The following ZHX2 variants were observed in gnomAD, a reference collection of about 807,000 sequenced individuals.
ZHX2 encodes the protein zinc fingers and homeoboxes protein 2.
In ZHX2, 6 loss-of-function variants were observed where a neutral mutation model predicts 21.9. The observed-to-expected ratio is 0.27, with a 90% CI of 0.15 to 0.54. The LOEUF (loss-of-function observed/expected upper bound fraction) is 0.54. Among genes scored for constraint, ZHX2 ranks in the 20% least tolerant of loss-of-function variants. The pLI is 0.95. For missense variants in ZHX2, 908 were observed against 1,090.7 expected (o/e 0.83, Z 2.36); for synonymous variants, 434 against 437.1 (o/e 0.99, Z 0.09).
chr8:122,952,988 G>C lies in ZHX2; in HGVS notation c.1478G>C (p.Arg493Pro). The C allele has an allele frequency of 6.2e-7, 1 of 1,613,942 alleles. No individual in the cohort carries two copies. Among genetic ancestry groups the C allele is most frequent in the Non-Finnish European group, 8.5e-7 (1 of 1,180,016 alleles). ...IKKWFSDHRY[R>P]CQRGIVHITS... Reference sequence around the variant, plus strand: ...AAGTGGTTCAGTGACCACCGATATCGGTGTCAAAGGGGCATCGTCCACATC... The same window carrying C: ...AAGTGGTTCAGTGACCACCGATATCCGTGTCAAAGGGGCATCGTCCACATC... Residue 493 changes from arginine to proline, a missense_variant, in exon 3 of 4, where the codon CGG becomes CCG. Around this residue, in one of 4 missense-constraint regions of ZHX2, gnomAD observed 232 missense variants for 361.8 expected, o/e 0.64. Coordinates refer to ENST00000314393, the MANE Select transcript of ZHX2 (RefSeq NM_014943.5). This position sits in a 1 kb window ranked among gnomAD's most constrained non-coding sequence, Gnocchi z 6.9.
At chr8:122,822,052 T>C (rs1366115522) in intron 1 of ZHX2, among the ~76,000 whole-genome samples, 1 of 152,122 alleles carries the variant, frequency 6.6e-6, no homozygotes, top group Non-Finnish European at 1.5e-5. Context: ...TGAGAGAGGA[T>C]GCCTCGGAGG....
intron 1 of ZHX2, among the ~76,000 whole-genome samples, chr8:122,800,812 C>T (rs1030123348): frequency 2.6e-5 from 4 of 152,124 alleles, no homozygotes; most frequent in East Asian, 1.9e-4. Context: ...GAACTGAGAA[C>T]GTTTTTCCTC....
chr8:122,791,991 G>A (rs1044446837), intron 1 of ZHX2, among the ~76,000 whole-genome samples: 1 of 152,214 alleles, frequency 6.6e-6, no homozygotes, highest in Non-Finnish European at 1.5e-5. Context: ...ATACCCAAGT[G>A]TCACCCACTT....
intron 2 of ZHX2, among the ~76,000 whole-genome samples, chr8:122,915,046 C>T (rs1023526397): frequency 6.6e-6 from 1 of 152,158 alleles, no homozygotes; most frequent in Non-Finnish European, 1.5e-5. Flanking sequence ...AGCAATGGTG[C>T]ACTCTCCTTT....
intron 2 of ZHX2, among the ~76,000 whole-genome samples, chr8:122,900,570 G>T (rs900713780): frequency 1.3e-5 from 2 of 152,150 alleles, no homozygotes; most frequent in African/African-American, 4.8e-5. Context: ...GTTTCTAGTT[G>T]CAGTGACTTC....
At chr8:122,931,914 TG>T (rs927027291) in intron 2 of ZHX2, among the ~76,000 whole-genome samples, 1 of 152,100 alleles carries the variant, frequency 6.6e-6, no homozygotes, top group African/African-American at 2.4e-5. Flanking sequence ...GTGGTCATAG[TG>T]GAAAATGAGA....
intron 1 of ZHX2, among the ~76,000 whole-genome samples, chr8:122,804,930 T>G (rs2130585292): frequency 6.6e-6 from 1 of 152,282 alleles, no homozygotes; most frequent in Admixed American, 6.5e-5. Context: ...GCCACTCTGT[T>G]GCCTGAATAC....
At chr8:122,843,428 G>A (rs1818681613) in intron 1 of ZHX2, among the ~76,000 whole-genome samples, 1 of 152,168 alleles carries the variant, frequency 6.6e-6, no homozygotes, top group Admixed American at 6.5e-5. Flanking sequence ...TTCAGACAGG[G>A]GTCATTACCC....
chr8:122,792,172 A>G (rs544973185), intron 1 of ZHX2, among the ~76,000 whole-genome samples: 68 of 152,270 alleles, frequency 4.5e-4, no homozygotes, highest in African/African-American at 1.6e-3. Flanking sequence ...AGCCCTACAC[A>G]GCCACTAATC....
chr8:122,938,472 G>A (rs888540252), intron 2 of ZHX2, among the ~76,000 whole-genome samples: 6 of 152,116 alleles, frequency 3.9e-5, no homozygotes, highest in African/African-American at 1.4e-4. Flanking sequence ...TCACCAAGAA[G>A]GATGGAGAGG....
chr8:122,802,549 C>T (rs1408127633), intron 1 of ZHX2, among the ~76,000 whole-genome samples: 1 of 152,156 alleles, frequency 6.6e-6, no homozygotes, highest in East Asian at 1.9e-4. Context: ...ACCCAGATTG[C>T]CCCCACAGAA....
chr8:122,821,272 G>A (rs1204656439), intron 1 of ZHX2, among the ~76,000 whole-genome samples: 1 of 152,196 alleles, frequency 6.6e-6, no homozygotes, highest in Non-Finnish European at 1.5e-5. Flanking sequence ...ACGGGAACTA[G>A]AGTTCTGCTG....
intron 1 of ZHX2, among the ~76,000 whole-genome samples, chr8:122,807,330 A>G (rs1213184380): frequency 6.6e-6 from 1 of 152,236 alleles, no homozygotes; most frequent in Non-Finnish European, 1.5e-5. Context: ...TTCATTCCTA[A>G]CAGTTTTAAT....
At chr8:122,812,882 T>C (rs2130611963) in intron 1 of ZHX2, among the ~76,000 whole-genome samples, 1 of 152,256 alleles carries the variant, frequency 6.6e-6, no homozygotes, top group African/African-American at 2.4e-5. Flanking sequence ...AGTTTAAGTA[T>C]TCTTTACCAC....
At chr8:122,884,024 T>G (rs2129808133) in intron 2 of ZHX2, among the ~76,000 whole-genome samples, 1 of 152,348 alleles carries the variant, frequency 6.6e-6, no homozygotes, top group African/African-American at 2.4e-5. Context: ...ACCTAGATGG[T>G]ATAGCCAACT....
chr8:122,852,449 A>G (rs1049567816), intron 1 of ZHX2, among the ~76,000 whole-genome samples: 2 of 152,136 alleles, frequency 1.3e-5, no homozygotes, highest in Non-Finnish European at 2.9e-5. Flanking sequence ...AACACCGTGT[A>G]ATAGTAGTCA....
chr8:122,907,060 G>T (rs368224146), intron 2 of ZHX2, among the ~76,000 whole-genome samples: 4 of 152,156 alleles, frequency 2.6e-5, no homozygotes, highest in African/African-American at 4.8e-5. Context: ...AGGCCTATTC[G>T]ATCGCAGTGG....
intron 2 of ZHX2, among the ~76,000 whole-genome samples, chr8:122,899,556 A>G (rs1469104061): frequency 2.0e-5 from 3 of 152,190 alleles, no homozygotes; most frequent in African/African-American, 2.4e-5. Flanking sequence ...GTATCCATTG[A>G]TGGCTACACT....
intron 1 of ZHX2, among the ~76,000 whole-genome samples, chr8:122,788,335 A>T (rs1418224800): frequency 6.6e-6 from 1 of 152,204 alleles, no homozygotes. Context: ...AGGCAGGTGG[A>T]TCGCTTGAGC....
Sources: allele counts gnomAD v4.1 joint callset (sites outside exome capture counted in the v4.1 genomes callset), GRCh38; gene constraint gnomAD v4.1.1; regional missense constraint gnomAD v4.1.1; non-coding constraint Gnocchi (gnomAD v3.1); transcripts MANE v1.5; gene names NCBI Gene and HGNC (gene_info 2026-07-23, HGNC 2026-07-21).